The following RHBG variants were observed in gnomAD, a reference collection of about 807,000 sequenced individuals.
RHBG encodes Rh family B glycoprotein, also known as ammonium transporter Rh type B.
Under a neutral mutation model 40.1 loss-of-function variants are expected in RHBG, and 39 were observed. The observed-to-expected ratio is 0.97, with a 90% CI of 0.75 to 1.27. The LOEUF is 1.27. Among genes scored for constraint, RHBG ranks in the 50% most tolerant of loss-of-function variants. The pLI is 0.00. For synonymous variants in RHBG, 237 were observed against 252.5 expected (o/e 0.94, Z 0.58); for missense variants, 549 against 588.1 (o/e 0.93, Z 0.69).
chr1:156,381,860 G>C lies in RHBG; in HGVS notation c.895G>C (p.Glu299Gln). The C allele has an allele frequency of 1.3e-6, 2 of 1,599,462 alleles. No individual in the cohort carries two copies. Among genetic ancestry groups the C allele is most frequent in the Non-Finnish European group, 1.7e-6 (2 of 1,176,742 alleles). ...AGGVVVGTSS[E>Q]MMLTPFGALA... is the part of the protein sequence containing the mutation. ...AGGGGTTGTGGTGGGGACCTCAAGT[G>C]AAATGATGCTGACACCCTTTGGGGC... Residue 299 changes from glutamate to glutamine, a missense_variant, in exon 6 of 10, where the codon GAA becomes CAA. Physicochemically the swap from Glu to Gln is conservative, Grantham distance 29. Around this residue, in one of 3 missense-constraint regions of RHBG, gnomAD observed 399 missense variants for 417.0 expected, o/e 0.96. Transcript: ENST00000537040.
Position 156,381,815 on chromosome 1 carries a change from C to A in RHBG, c.850C>A (p.Gln284Lys). The A allele has an allele frequency of 6.3e-7, 1 of 1,583,628 alleles. No individual in the cohort carries two copies. Among genetic ancestry groups the A allele is most frequent in the South Asian group, 1.2e-5 (1 of 86,352 alleles). ...EDGRLDMVHIQNAALAGGVVV... is the reference protein window; with the variant it reads ...EDGRLDMVHIKNAALAGGVVV... The stretch of plus-strand genomic sequence containing the variant: ...CTTGCTCTTCCCTTAGGTCCACATC[C>A]AAAATGCAGCGCTGGCTGGAGGGGT... The change falls in exon 6 of 10, where the codon CAA becomes AAA. Residue 284 changes from glutamine (Q) to lysine (K), a missense_variant. Coordinates refer to ENST00000537040, the MANE Select transcript of RHBG (RefSeq NM_020407.5).
Position 156,378,237 on chromosome 1 carries a change from A to G in RHBG, c.526-15A>G, listed in dbSNP as rs1667365080. 6.2e-7 allele frequency: 1 copy of G among 1,611,608 alleles called. No individual in the cohort carries two copies. Among genetic ancestry groups the G allele is most frequent in the Non-Finnish European group, 8.5e-7 (1 of 1,179,412 alleles). ...GGGTGGGGGCGGGGTGCTGCCTCTC[A>G]CCCCACCTCCCCAGGTGAGAGATGC... On this transcript the variant is annotated splice_polypyrimidine_tract_variant and intron_variant, in intron 3 of 9. Transcript: ENST00000537040.
chr1:156,382,277 G>A (rs746462376), intron 7 of RHBG, 76 bp downstream of exon 7: 1 of 1,596,954 alleles, frequency 6.3e-7, no homozygotes. Context: ...CACTGTGTGT[G>A]ACCAAGAAAA....
chr1:156,377,533 G>A lies in RHBG; in HGVS notation c.374+46G>A, dbSNP rs775844368. On this transcript the variant is annotated intron_variant, in intron 2 of 9. Coordinates refer to ENST00000537040, the MANE Select transcript of RHBG (RefSeq NM_020407.5). This position sits in a 1 kb window ranked among gnomAD's most constrained non-coding sequence, Gnocchi z 4.6. ...CAGCTCCCCAAGGTTCACTCGGGAG[G>A]CCCCTGCCCATGGGCCCCGGATCTA... 9.5e-6 allele frequency: 15 copies of A among 1,571,146 alleles called. No individual in the cohort carries two copies. The African/African-American group carries it at 2.0e-4, about 21-fold the overall frequency.
chr1:156,377,227 C>G lies in RHBG; in HGVS notation c.188-74C>G, dbSNP rs1423336553. The G allele has an allele frequency of 4.0e-5, 60 of 1,498,332 alleles. No homozygotes were observed. The highest frequency in any genetic ancestry group is 4.8e-5 in the Non-Finnish European group (52 of 1,090,754). 92.8% of individuals were successfully genotyped at this position (1,498,332 alleles called of 1,614,324 possible). A position where few individuals can be genotyped will look rare whatever the true frequency, so the allele number is the denominator to read the frequency against. On this transcript the variant is annotated intron_variant, in intron 1 of 9. Coordinates refer to ENST00000537040, the MANE Select transcript of RHBG (RefSeq NM_020407.5). This position sits in a 1 kb window ranked among gnomAD's most constrained non-coding sequence, Gnocchi z 4.6. The stretch of plus-strand genomic sequence containing the variant: ...GGCTGGTGAGAGCCAGGGGCACTGG[C>G]AGGGTAGCTGACTGGATTGTGGGCT...
intron 1 of RHBG, among the ~76,000 whole-genome samples, chr1:156,372,689 G>C (rs1490469865): frequency 6.6e-6 from 1 of 152,166 alleles, no homozygotes; most frequent in African/African-American, 2.4e-5. Flanking sequence ...AGCTCCCCCT[G>C]CTTCTTCTTG....
rs1163743881 is a variant in RHBG, at chr1:156,377,783, C to T, written c.375-207C>T. Among the ~76,000 whole-genome samples the T allele has an allele frequency of 6.6e-6, 1 of 152,176 alleles. No individual in the cohort carries two copies. Among genetic ancestry groups the T allele is most frequent in the African/African-American group, 2.4e-5 (1 of 41,440 alleles). The stretch of plus-strand genomic sequence containing the variant: ...GGCTTTGTCAGATGAGTCACAGAAC[C>T]TCCTTGAGACTCGACTTCCTCATCT... On this transcript the variant is annotated intron_variant, in intron 2 of 9. Transcript: ENST00000537040. This position sits in a 1 kb window ranked among gnomAD's most constrained non-coding sequence, Gnocchi z 4.6.
In RHBG at chr1:156,377,276, C is replaced by T. The variant is rs781607391; in HGVS notation, c.188-25C>T. On this transcript the variant is annotated intron_variant, in intron 1 of 9. Coordinates refer to ENST00000537040, the MANE Select transcript of RHBG (RefSeq NM_020407.5). The surrounding 1 kb of genome is among the most constrained non-coding windows in gnomAD (Gnocchi z 4.6). ...CTATGGCTAGAGCAGCCCCCAAGTGCCCCGCCTGTCCCTGCCCGCTGCAGG... is the reference window on the plus strand; with the variant it reads ...CTATGGCTAGAGCAGCCCCCAAGTGTCCCGCCTGTCCCTGCCCGCTGCAGG... The T allele has an allele frequency of 1.9e-5, 30 of 1,607,568 alleles. No individual in the cohort carries two copies. Among genetic ancestry groups the T allele is most frequent in the Middle Eastern group, 1.7e-4 (1 of 6,042 alleles).
At chr1:156,382,270 T>C (rs1667710297) in intron 7 of RHBG, 69 bp downstream of exon 7, 4 of 1,593,810 alleles carry the variant, frequency 2.5e-6, no homozygotes, top group African/African-American at 1.3e-5. Flanking sequence ...TCTCTTTCAC[T>C]GTGTGTGACC....
chr1:156,381,038 T>A (rs1007721705), intron 4 of RHBG, among the ~76,000 whole-genome samples: 2 of 152,124 alleles, frequency 1.3e-5, no homozygotes, highest in African/African-American at 2.4e-5. Context: ...TAGCTGGAAC[T>A]ACAGGCATGT....
intron 6 of RHBG, 24 bp downstream of exon 6, chr1:156,381,967 G>A (rs1667674629): frequency 6.2e-7 from 1 of 1,611,318 alleles, no homozygotes; most frequent in Non-Finnish European, 8.5e-7. Flanking sequence ...TTGGAGCCTG[G>A]GCAGAACATG....
At chr1:156,379,723 T>C (rs1667484367) in intron 4 of RHBG, among the ~76,000 whole-genome samples, 1 of 152,130 alleles carries the variant, frequency 6.6e-6, no homozygotes, top group Admixed American at 6.5e-5. Context: ...GAGATTTTAC[T>C]CCAGATTGCC....
chr1:156,382,684 T>C, intron 7 of RHBG, 64 bp from the exon 8 acceptor site: 2 of 1,590,832 alleles, frequency 1.3e-6, no homozygotes, highest in South Asian at 2.2e-5. Flanking sequence ...TGAGCAGCCC[T>C]GGCCCCGGGC....
chr1:156,374,412 C>T (rs1570991583), intron 1 of RHBG, among the ~76,000 whole-genome samples: 1 of 152,102 alleles, frequency 6.6e-6, no homozygotes, highest in East Asian at 1.9e-4. Context: ...TTCCCCCTTC[C>T]CCCACTCTTC....
At position 156,378,372 on chromosome 1, in the gene RHBG, T is replaced by C. The variant is rs1386839283; in HGVS notation, c.646T>C (p.Tyr216His). ...EKSKHRQGSVYHSDLFAMIGT... is the reference protein window; with the variant it reads ...EKSKHRQGSVHHSDLFAMIGT... The stretch of plus-strand genomic sequence containing the variant: ...GAGCAAGCACCGCCAGGGCTCCGTC[T>C]ACCATTCAGACCTCTTCGCCATGAT... The change falls in exon 4 of 10, where the codon TAC (tyrosine) becomes CAC (histidine). Residue 216 changes from tyrosine to histidine, a missense_variant. Transcript: ENST00000537040. 3 of 1,611,050 alleles carry C rather than the reference T, an allele frequency of 1.9e-6. No homozygotes were observed. The African/African-American group carries it at 4.0e-5, about 22-fold the overall frequency.
chr1:156,377,636 A>G lies in RHBG; in HGVS notation c.374+149A>G. 1.3e-6 allele frequency: 1 copy of G among 795,048 alleles called. No homozygotes were observed. The highest frequency in any genetic ancestry group is 1.9e-6 in the Non-Finnish European group (1 of 515,692). The allele number at this position is 795,048 out of a possible 1,614,324, so 49.2% of individuals were successfully genotyped here. On this transcript the variant is annotated intron_variant, in intron 2 of 9. Transcript: ENST00000537040. The surrounding 1 kb of genome is among the most constrained non-coding windows in gnomAD (Gnocchi z 4.6). ...TTCTCTAGGTGTCCTGCCTGTCCTT[A>G]TTGCCTGACTTCCTCTCCCATCCTT... is the stretch of plus-strand genomic sequence containing the variant.
chr1:156,369,429 C>T lies in RHBG; in HGVS notation c.180C>T (p.Arg60=), dbSNP rs753845796. ...HSNADNEFYF[R]YPSFQDVHAM... ...ACGCGGACAATGAATTTTACTTTCG[C>T]TACCCAAGTGAGTGCGGGGTGAGGG... The change falls in exon 1 of 10, where the codon CGC becomes CGT. Residue 60 remains arginine (R), a synonymous_variant. Transcript: ENST00000537040. 1.9e-6 allele frequency: 3 copies of T among 1,611,612 alleles called. No individual in the cohort carries two copies. Among genetic ancestry groups the T allele is most frequent in the East Asian group, 2.2e-5 (1 of 44,776 alleles).
At chr1:156,383,016 G>T (rs1267100686) in intron 8 of RHBG, 147 bp downstream of exon 8, 2 of 1,161,700 alleles carry the variant, frequency 1.7e-6, no homozygotes, top group Non-Finnish European at 1.2e-6. Flanking sequence ...CCAACCTCCT[G>T]CAGGCACAGA....
Position 156,377,940 on chromosome 1 carries a change from G to C in RHBG, c.375-50G>C. 6.7e-7 allele frequency: 1 copy of C among 1,502,388 alleles called. No individual in the cohort carries two copies. The highest frequency in any genetic ancestry group is 1.4e-5 in the South Asian group (1 of 73,530). The allele number at this position is 1,502,388 out of a possible 1,614,324, so 93.1% of individuals were successfully genotyped here. On this transcript the variant is annotated intron_variant, in intron 2 of 9. Coordinates refer to ENST00000537040, the MANE Select transcript of RHBG (RefSeq NM_020407.5). The surrounding 1 kb of genome is among the most constrained non-coding windows in gnomAD (Gnocchi z 4.6). Reference sequence around the variant, plus strand: ...GCTTCATGCCAGGCAGGAACCCCGAGGCCAGCCTCTCTGACCCCTCTTGTG... The same window carrying C: ...GCTTCATGCCAGGCAGGAACCCCGACGCCAGCCTCTCTGACCCCTCTTGTG...
Sources: gnomAD v4.1 joint callset for allele counts (sites outside exome capture counted in the v4.1 genomes callset) on GRCh38, gnomAD v4.1.1 for gene constraint, gnomAD v4.1.1 regional missense constraint, Gnocchi (gnomAD v3.1) non-coding constraint, MANE v1.5 for transcripts, NCBI Gene and HGNC (gene_info 2026-07-23, HGNC 2026-07-21) for gene names.